The following PLEKHA2 variants were observed in gnomAD, a reference collection of about 807,000 sequenced individuals.
The protein encoded by PLEKHA2 is pleckstrin homology domain-containing family A member 2.
PLEKHA2 carries 28 observed loss-of-function variants against 53.2 expected under a neutral mutation model. The observed-to-expected ratio is 0.53, with a 90% CI of 0.39 to 0.72. PLEKHA2 has a LOEUF of 0.72. PLEKHA2 is among the 30% of genes least tolerant of loss of function. The pLI is 0.00. For missense variants in PLEKHA2, 426 were observed against 537.9 expected (o/e 0.79, Z 2.06); for synonymous variants, 193 against 196.4 (o/e 0.98, Z 0.14).
At position 38,950,839 on chromosome 8, in the gene PLEKHA2, G is replaced by A. The variant is rs373390296; in HGVS notation, c.346-11G>A. The A allele has an allele frequency of 5.7e-5, 91 of 1,608,920 alleles. No homozygotes were observed. Among genetic ancestry groups the A allele is most frequent in the Middle Eastern group, 3.3e-4 (2 of 6,052 alleles). The stretch of plus-strand genomic sequence containing the variant: ...CTGTTCCCCATTGATTGTTGCTGCC[G>A]CTCACCCCAGGTTCCCAAAGGTGGG... On this transcript the variant is annotated splice_polypyrimidine_tract_variant and intron_variant, in intron 5 of 11. Transcript: ENST00000617275.
rs2042972701 is a variant in PLEKHA2, at chr8:38,968,453, A to ATTC, written c.838-139_838-138insTTC. 9.9e-6 allele frequency: 7 copies of ATTC among 706,606 alleles called. No individual in the cohort carries two copies. The Middle Eastern group carries it at 7.3e-4, about 74-fold the overall frequency. The allele number at this position is 706,606 out of a possible 1,614,324, so 43.8% of individuals were successfully genotyped here. A position where few individuals can be genotyped will look rare whatever the true frequency, so the allele number is the denominator to read the frequency against. ...GAAAACATGTCCTTAAAAGTCTGAAAGCTACTGGACTAGATGATTTCTGGG... is the reference window on the plus strand; with the variant it reads ...GAAAACATGTCCTTAAAAGTCTGAAATTCGCTACTGGACTAGATGATTTCTGGG... On this transcript the variant is annotated intron_variant, in intron 10 of 11. Coordinates refer to ENST00000617275, the MANE Select transcript of PLEKHA2 (RefSeq NM_021623.2).
chr8:38,935,892 G>A (rs977995865), intron 2 of PLEKHA2, 102 bp from the exon 3 acceptor site: 1 of 1,052,782 alleles, frequency 9.5e-7, no homozygotes, highest in Admixed American at 1.7e-5. Context: ...AACTTGCTCA[G>A]TGTTGCCAGG....
chr8:38,944,545 T>C (rs189119986), intron 4 of PLEKHA2, among the ~76,000 whole-genome samples: 1 of 151,806 alleles, frequency 6.6e-6, no homozygotes, highest in East Asian at 1.9e-4. Context: ...TTCTGCAGGC[T>C]CTATGGGGCC....
rs1564138840 is a variant in PLEKHA2, at chr8:38,946,237, TC to T, written c.345+17del. On this transcript the variant is annotated intron_variant, in intron 5 of 11. Coordinates refer to ENST00000617275, the MANE Select transcript of PLEKHA2 (RefSeq NM_021623.2). ...CAAGATCACCGTAAGTTTGGTTTCT[TC>T]TGTTTTCTGGTGGTAGTAAAAGTGC... The T allele has an allele frequency of 8.2e-6, 13 of 1,577,946 alleles. No individual in the cohort carries two copies. The highest frequency in any genetic ancestry group is 1.1e-5 in the Non-Finnish European group (13 of 1,159,158).
At chr8:38,942,540 G>A (rs376877418) in intron 3 of PLEKHA2, among the ~76,000 whole-genome samples, 2 of 152,186 alleles carry the variant, frequency 1.3e-5, no homozygotes, top group Admixed American at 6.5e-5. Context: ...ACCCTTGGCT[G>A]GAGGGGGATG....
chr8:38,918,091 G>C (rs1412285065), intron 2 of PLEKHA2, 21 bp downstream of exon 2: 2 of 1,608,552 alleles, frequency 1.2e-6, no homozygotes, highest in Non-Finnish European at 1.7e-6. Flanking sequence ...CAGTGGGAAG[G>C]GGTGGGGCGA....
intron 9 of PLEKHA2, among the ~76,000 whole-genome samples, chr8:38,955,233 G>A (rs1834917730): frequency 6.6e-6 from 1 of 152,092 alleles, no homozygotes; most frequent in Non-Finnish European, 1.5e-5. Flanking sequence ...ACCCTGAGAA[G>A]TAGATGTGAA....
At chr8:38,908,481 A>T (rs1223187659) in intron 1 of PLEKHA2, among the ~76,000 whole-genome samples, 1 of 152,250 alleles carries the variant, frequency 6.6e-6, no homozygotes, top group African/African-American at 2.4e-5. Flanking sequence ...ATTTATTATC[A>T]GATTCAAAAC....
chr8:38,952,346 T>C, intron 7 of PLEKHA2, 34 bp downstream of exon 7: 2 of 1,604,386 alleles, frequency 1.2e-6, no homozygotes, highest in Non-Finnish European at 1.7e-6. Flanking sequence ...ATTGGGGTTC[T>C]GGTGACTCCT....
intron 3 of PLEKHA2, among the ~76,000 whole-genome samples, chr8:38,938,827 G>A (rs944055583): frequency 1.3e-5 from 2 of 152,162 alleles, no homozygotes; most frequent in Non-Finnish European, 2.9e-5. Context: ...CTGCAGCCAC[G>A]CCTCTTCATG....
intron 5 of PLEKHA2, among the ~76,000 whole-genome samples, chr8:38,949,997 A>G (rs923416309): frequency 1.3e-5 from 2 of 152,156 alleles, no homozygotes; most frequent in East Asian, 1.9e-4. Flanking sequence ...CAATCTGCCC[A>G]GAATGCCTTC....
At position 38,953,945 on chromosome 8, in the gene PLEKHA2, G is replaced by C. The variant is rs754884954; in HGVS notation, c.773+578G>C. ...ATAGTTACCTTCCAAGTGCCACTTT[G>C]CATAGGATGAGTTTGGGACCTGGCA... On this transcript the variant is annotated intron_variant, in intron 9 of 11. Coordinates refer to ENST00000617275, the MANE Select transcript of PLEKHA2 (RefSeq NM_021623.2). Among the ~76,000 whole-genome samples the C allele has an allele frequency of 2.6e-5, 4 of 152,202 alleles. No individual in the cohort carries two copies. The South Asian group carries it at 8.3e-4, about 31-fold the overall frequency.
At chr8:38,969,134 C>A in intron 11 of PLEKHA2, 1 of 411,476 alleles carries the variant, frequency 2.4e-6, no homozygotes, top group South Asian at 2.5e-5. Context: ...CTCCTGACCT[C>A]AGGTGATCCA....
intron 2 of PLEKHA2, among the ~76,000 whole-genome samples, chr8:38,919,583 T>C (rs572915773): frequency 3.5e-4 from 53 of 152,320 alleles, no homozygotes; most frequent in African/African-American, 1.2e-3. Context: ...AGTTATGCTT[T>C]AAGATGCAAT....
intron 2 of PLEKHA2, among the ~76,000 whole-genome samples, chr8:38,918,407 A>G (rs1269500931): frequency 6.7e-6 from 1 of 149,536 alleles, no homozygotes; most frequent in South Asian, 2.1e-4. Flanking sequence ...CACATACCAC[A>G]GACACATACA....
chr8:38,943,954 A>T (rs1401028225), intron 4 of PLEKHA2, 117 bp downstream of exon 4: 1 of 749,110 alleles, frequency 1.3e-6, no homozygotes, highest in African/African-American at 1.8e-5. Flanking sequence ...AGTGACTTAA[A>T]TCACAGTGAC....
chr8:38,912,098 T>C (rs1833962889), intron 1 of PLEKHA2, among the ~76,000 whole-genome samples: 1 of 152,104 alleles, frequency 6.6e-6, no homozygotes, highest in African/African-American at 2.4e-5. Flanking sequence ...GTCAGGAGTT[T>C]GAGACCAGCC....
rs1467345912 is a variant in PLEKHA2, at chr8:38,951,005, T to A, written c.486+15T>A. ...CCATCAGCCAGGTGAGGGGCCTGAC[T>A]GGGGCTGCGGGGGGAGTGGGGGTGT... On this transcript the variant is annotated intron_variant, in intron 6 of 11. Coordinates refer to ENST00000617275, the MANE Select transcript of PLEKHA2 (RefSeq NM_021623.2). 9.1e-6 allele frequency: 13 copies of A among 1,432,948 alleles called. No homozygotes were observed. Among genetic ancestry groups the A allele is most frequent in the Non-Finnish European group, 1.2e-5 (13 of 1,077,826 alleles). The allele number at this position is 1,432,948 out of a possible 1,614,324, so 88.8% of individuals were successfully genotyped here. A position where few individuals can be genotyped will look rare whatever the true frequency, so the allele number is the denominator to read the frequency against.
rs1467631792 is a variant in PLEKHA2 at position 38,969,465 on chromosome 8, C to T, written c.960C>T (p.Ser320=). Residue 320 remains serine, a synonymous_variant, in exon 12 of 12, where the codon AGC becomes AGT. Transcript: ENST00000617275. Reference sequence around the variant, plus strand: ...CCATTTCTTTGACCCGACCTGGAAGCTCCAGCCTTTCAAGTGGGCCCAACT... The same window carrying T: ...CCATTTCTTTGACCCGACCTGGAAGTTCCAGCCTTTCAAGTGGGCCCAACT... ...SRSISLTRPG[S]SSLSSGPNSI... is the part of the protein sequence containing the mutation. 1.2e-6 allele frequency: 2 copies of T among 1,613,894 alleles called. No individual in the cohort carries two copies. The highest frequency in any genetic ancestry group is 2.2e-5 in the East Asian group (1 of 44,882).
Sources: allele counts gnomAD v4.1 joint callset (sites outside exome capture counted in the v4.1 genomes callset), GRCh38; gene constraint gnomAD v4.1.1; transcripts MANE v1.5; gene names NCBI Gene and HGNC (gene_info 2026-07-23, HGNC 2026-07-21).